Variants in KCNT1 observed in about 807,000 individuals in gnomAD.
KCNT1 encodes the protein potassium channel subfamily T member 1.
Under a neutral mutation model 147.8 loss-of-function variants are expected in KCNT1, and 78 were observed. The observed-to-expected ratio is 0.53, with a 90% CI of 0.44 to 0.64. The LOEUF (loss-of-function observed/expected upper bound fraction) is 0.64, where lower values mean the gene tolerates loss of function less well. Among genes scored for constraint, KCNT1 ranks in the 30% least tolerant of loss-of-function variants. The pLI is 0.00. For missense variants in KCNT1, 1,419 were observed against 1,750.3 expected (o/e 0.81, Z 3.38); for synonymous variants, 867 against 748.8 (o/e 1.16, Z -2.58).
intron 2 of KCNT1, among the ~76,000 whole-genome samples, chr9:135,731,305 C>T (rs1030978794): frequency 1.3e-5 from 2 of 152,152 alleles, no homozygotes; most frequent in African/African-American, 4.8e-5. Flanking sequence ...AGTCGCCTGG[C>T]GTGTCTTCAT....
intron 1 of KCNT1, among the ~76,000 whole-genome samples, chr9:135,713,696 G>A (rs916670834): frequency 1.3e-5 from 2 of 152,162 alleles, no homozygotes; most frequent in Admixed American, 6.5e-5. Flanking sequence ...CTTGAACAAG[G>A]GCCGGCCTGG....
At position 135,770,960 on chromosome 9, in the gene KCNT1, A is replaced by G. The variant is rs780921100; in HGVS notation, c.1873A>G (p.Ile625Val). Residue 625 changes from isoleucine (I) to valine (V), a missense_variant, in exon 18 of 31, where the codon ATC (isoleucine) becomes GTC (valine). Transcript: ENST00000371757. ...ILAASDTCFY[I>V]NITKEENSAF... The stretch of plus-strand genomic sequence containing the variant: ...GGCCGCCTCTGACACCTGCTTCTAC[A>G]TCAACATCACCAAGGAGGAGAACTC... The G allele has an allele frequency of 1.5e-5, 25 of 1,613,906 alleles. No homozygotes were observed. The highest frequency in any genetic ancestry group is 2.1e-5 in the Non-Finnish European group (25 of 1,179,920).
intron 11 of KCNT1, 29 bp downstream of exon 11, chr9:135,759,888 G>C (rs776966193): frequency 6.4e-7 from 1 of 1,568,056 alleles, no homozygotes; most frequent in Non-Finnish European, 8.7e-7. Flanking sequence ...AGCCCTGGGT[G>C]GCACCAGCAA....
chr9:135,786,184 CT>C lies in KCNT1; in HGVS notation c.3178-12del. 1.2e-6 allele frequency: 2 copies of C among 1,604,646 alleles called. No homozygotes were observed. Among genetic ancestry groups the C allele is most frequent in the African/African-American group, 1.3e-5 (1 of 74,554 alleles). On this transcript the variant is annotated splice_polypyrimidine_tract_variant and intron_variant, in intron 28 of 30. Coordinates refer to ENST00000371757, the MANE Select transcript of KCNT1 (RefSeq NM_020822.3). ...TCACCCCTCCCCGCCCTGCCCTGCCCTGCCCTGCCCAGTCCCAGATCTCGGT... is the reference window on the plus strand; with the variant it reads ...TCACCCCTCCCCGCCCTGCCCTGCCCGCCCTGCCCAGTCCCAGATCTCGGT...
rs369982433 is a variant in KCNT1, at chr9:135,730,199, G to C, written c.254+15479G>C. Among the ~76,000 whole-genome samples, 4 of 152,168 alleles carry C rather than the reference G, an allele frequency of 2.6e-5. No individual in the cohort carries two copies. The highest frequency in any genetic ancestry group is 5.9e-5 in the Non-Finnish European group (4 of 68,044). On this transcript the variant is annotated intron_variant, in intron 2 of 30. Transcript: ENST00000371757. The surrounding 1 kb of genome is among the most constrained non-coding windows in gnomAD (Gnocchi z 4.7). ...AGGCAGTGTTGAATTGCAGCCTCTA[G>C]TGGCGACAACAAGGAAAGGGGTTCC... is the stretch of plus-strand genomic sequence containing the variant.
At chr9:135,753,825 T>C (rs1588315290) in intron 4 of KCNT1, 112 bp from the exon 5 acceptor site, 1 of 1,064,278 alleles carries the variant, frequency 9.4e-7, no homozygotes, top group East Asian at 2.4e-5. Context: ...TAGCCCCGGG[T>C]GGGTGAGTAG....
intron 2 of KCNT1, among the ~76,000 whole-genome samples, chr9:135,729,280 T>C (rs11103148): frequency 0.14 from 21,172 of 152,246 alleles, 1,642 homozygotes; most frequent in South Asian, 0.18. Context: ...TGAACACATC[T>C]GTACTTGCTT....
intron 2 of KCNT1, among the ~76,000 whole-genome samples, chr9:135,731,991 T>TATATATATATAG (rs1276318460): frequency 5.1e-4 from 11 of 21,714 alleles, no homozygotes; most frequent in South Asian, 2.2e-3. Context: ...TATATATATA[T>TATATATATATAG]AGAGAGAGAG....
rs1834607192 is a variant in KCNT1 at position 135,792,397 on chromosome 9, C to T, written c.*236C>T. The T allele has an allele frequency of 6.6e-6, 3 of 455,442 alleles. No homozygotes were observed. The highest frequency in any genetic ancestry group is 3.7e-5 in the Admixed American group (1 of 26,954). 28.2% of individuals were successfully genotyped at this position (455,442 alleles called of 1,614,324 possible). On this transcript the variant is annotated 3_prime_UTR_variant, in exon 31 of 31. Coordinates refer to ENST00000371757, the MANE Select transcript of KCNT1 (RefSeq NM_020822.3). ...TTTAACCTATTTTTACACGTCGATG[C>T]AGTCCACTTCTCTTTACACAGATGT...
chr9:135,771,240 A>G (rs1832741318), intron 18 of KCNT1, 145 bp downstream of exon 18: 1 of 727,972 alleles, frequency 1.4e-6, no homozygotes, highest in Non-Finnish European at 2.2e-6. Context: ...CAGGCAGGAC[A>G]GGGGCAGGTG....
intron 2 of KCNT1, among the ~76,000 whole-genome samples, chr9:135,723,295 G>C (rs942157405): frequency 6.6e-6 from 1 of 152,240 alleles, no homozygotes; most frequent in Non-Finnish European, 1.5e-5. Context: ...AAGCAAAAGC[G>C]TTGGTGGGGT....
chr9:135,721,230 C>T (rs1835910881), intron 2 of KCNT1, among the ~76,000 whole-genome samples: 2 of 152,184 alleles, frequency 1.3e-5, no homozygotes, highest in South Asian at 4.1e-4. Flanking sequence ...AGCACCGGGT[C>T]CCCTGGCGTG....
chr9:135,707,433 C>T (rs1835301106), intron 1 of KCNT1, among the ~76,000 whole-genome samples: 1 of 152,168 alleles, frequency 6.6e-6, no homozygotes, highest in South Asian at 2.1e-4. Flanking sequence ...CAGCTCAGCT[C>T]GAGGGTACTG....
Position 135,771,040 on chromosome 9 carries a change from G to GGGGCAC in KCNT1, c.1957_1958insACGGGC (p.Gly652_Leu653insHisGly). 6.2e-7 allele frequency: 1 copy of GGGGCAC among 1,613,030 alleles called. No individual in the cohort carries two copies. The highest frequency in any genetic ancestry group is 8.5e-7 in the Non-Finnish European group (1 of 1,179,632). On this transcript the variant is annotated inframe_insertion, in exon 18 of 31. Transcript: ENST00000371757. The stretch of plus-strand genomic sequence containing the variant: ...GGAAGAAGAGGGCCTTCTCGGGGCA[G>GGGGCAC]GGGCTGCACGAGGGTCCGGCCCGCC...
intron 22 of KCNT1, 52 bp from the exon 23 acceptor site, chr9:135,778,636 G>C (rs1449171634): frequency 3.7e-6 from 6 of 1,609,544 alleles, no homozygotes; most frequent in Non-Finnish European, 4.2e-6. Flanking sequence ...GGGGTCCTGT[G>C]GGTGGGGAGT....
chr9:135,764,912 C>T (rs1832151132), intron 11 of KCNT1, 119 bp from the exon 12 acceptor site: 1 of 1,077,444 alleles, frequency 9.3e-7, no homozygotes, highest in Non-Finnish European at 1.3e-6. Flanking sequence ...GGTGTCACCC[C>T]CCGGCCGGCC....
rs1836376756 is a variant in KCNT1, at chr9:135,730,251, T to TCC, written c.254+15531_254+15532insCC. ...TGGACTCCCCCTTCGGAGCATCAGG[T>TCC]GTGGACCCATGGAGTTCCGTGGACC... On this transcript the variant is annotated intron_variant, in intron 2 of 30. Coordinates refer to ENST00000371757, the MANE Select transcript of KCNT1 (RefSeq NM_020822.3). The surrounding 1 kb of genome is among the most constrained non-coding windows in gnomAD (Gnocchi z 4.7). Among the ~76,000 whole-genome samples the TCC allele has an allele frequency of 6.6e-6, 1 of 152,076 alleles. No homozygotes were observed. Among genetic ancestry groups the TCC allele is most frequent in the South Asian group, 2.1e-4 (1 of 4,802 alleles).
chr9:135,755,030 G>A lies in KCNT1; in HGVS notation c.492-91G>A. On this transcript the variant is annotated intron_variant, in intron 5 of 30. Transcript: ENST00000371757. ...TGAGCAGCACATGCTTGGGGCCAGT[G>A]GAGGCCAATGGTTATGGCCCCAGCC... 5.0e-6 allele frequency: 6 copies of A among 1,195,632 alleles called. No homozygotes were observed. The Middle Eastern group carries it at 8.9e-4, about 177-fold the overall frequency. The allele number at this position is 1,195,632 out of a possible 1,614,324, so 74.1% of individuals were successfully genotyped here.
intron 6 of KCNT1, among the ~76,000 whole-genome samples, chr9:135,756,455 C>T (rs936521098): frequency 3.3e-5 from 5 of 152,268 alleles, no homozygotes; most frequent in Admixed American, 3.3e-4. Context: ...CTTTCACACC[C>T]ACCCCTATCA....
Sources: allele counts gnomAD v4.1 joint callset (sites outside exome capture counted in the v4.1 genomes callset), GRCh38; gene constraint gnomAD v4.1.1; non-coding constraint Gnocchi (gnomAD v3.1); transcripts MANE v1.5; gene names NCBI Gene and HGNC (gene_info 2026-07-23, HGNC 2026-07-21).